The following ASXL3 variants were observed in gnomAD, a reference collection of about 807,000 sequenced individuals.
The protein encoded by ASXL3 is putative Polycomb group protein ASXL3.
A neutral mutation model predicts 170.6 loss-of-function variants in ASXL3; 34 were observed. The ratio of observed to expected loss-of-function variants is 0.20; its 90% confidence interval spans 0.15 to 0.27. The LOEUF (loss-of-function observed/expected upper bound fraction) is 0.27, where lower values mean the gene tolerates loss of function less well. ASXL3 is among the 10% of genes least tolerant of loss of function. The pLI is 1.00. For missense variants in ASXL3, 2,592 were observed against 2,695.3 expected (o/e 0.96, Z 0.85); for synonymous variants, 1,002 against 989.1 (o/e 1.01, Z -0.24).
At chr18:33,660,402 T>C (rs2066153389) in intron 4 of ASXL3, among the ~76,000 whole-genome samples, 1 of 152,184 alleles carries the variant, frequency 6.6e-6, no homozygotes, top group Non-Finnish European at 1.5e-5. Context: ...CAAGGTGTGC[T>C]TGAGTCTATC....
At chr18:33,720,415 C>T (rs994300878) in intron 8 of ASXL3, among the ~76,000 whole-genome samples, 12 of 152,038 alleles carry the variant, frequency 7.9e-5, no homozygotes, top group Non-Finnish European at 1.5e-4. Context: ...AGAACATGAG[C>T]TTGAGTTTCA....
chr18:33,732,305 A>C (rs2067463339), intron 9 of ASXL3, among the ~76,000 whole-genome samples: 1 of 152,206 alleles, frequency 6.6e-6, no homozygotes, highest in African/African-American at 2.4e-5. Context: ...TGATGCAGCA[A>C]CATTTTCTTG....
chr18:33,647,047 G>T (rs1231192743), intron 4 of ASXL3, among the ~76,000 whole-genome samples: 1 of 151,938 alleles, frequency 6.6e-6, no homozygotes, highest in African/African-American at 2.4e-5. Flanking sequence ...CTACCCACTG[G>T]TTCCACAAAG....
chr18:33,589,130 T>C (rs1343906617), intron 1 of ASXL3, among the ~76,000 whole-genome samples: 1 of 152,128 alleles, frequency 6.6e-6, no homozygotes, highest in East Asian at 1.9e-4. Context: ...TGAGTTTGAG[T>C]CCAAAGTCTG....
intron 8 of ASXL3, among the ~76,000 whole-genome samples, chr18:33,725,615 T>C (rs74386965): frequency 0.013 from 1,981 of 152,300 alleles, 39 homozygotes; most frequent in African/African-American, 0.045. Context: ...TTGAAAACAA[T>C]ATTTACCATT....
intron 1 of ASXL3, among the ~76,000 whole-genome samples, chr18:33,597,339 A>G (rs2065137367): frequency 6.6e-6 from 1 of 151,844 alleles, no homozygotes; most frequent in Non-Finnish European, 1.5e-5. Flanking sequence ...CAACATGTTT[A>G]TTTTTACTTA....
chr18:33,724,551 A>C (rs894912017), intron 8 of ASXL3, among the ~76,000 whole-genome samples: 4 of 152,132 alleles, frequency 2.6e-5, no homozygotes, highest in African/African-American at 9.7e-5. Context: ...TTCCCAAACT[A>C]TTCTGGGGAA....
chr18:33,739,761 C>T lies in ASXL3; in HGVS notation c.2357C>T (p.Ser786Phe). Residue 786 changes from serine (S) to phenylalanine (F), a missense_variant, in exon 11 of 12, where the codon TCT (serine) becomes TTT (phenylalanine). Physicochemically the swap from Ser to Phe is radical, Grantham distance 155. This residue lies in a region of ASXL3 where 2,246 missense variants were observed against 2,219.6 expected (regional missense o/e 1.01). Transcript: ENST00000269197. Reference protein sequence around the residue: ...EEPLSPQKDESSATAKPLGEN... With the variant: ...EEPLSPQKDEFSATAKPLGEN... Reference sequence around the variant, plus strand: ...CCACTCTCCCCGCAGAAAGATGAGTCTTCCGCCACTGCCAAACCTCTGGGA... The same window carrying T: ...CCACTCTCCCCGCAGAAAGATGAGTTTTCCGCCACTGCCAAACCTCTGGGA... 1.2e-6 allele frequency: 2 copies of T among 1,613,800 alleles called. No homozygotes were observed. Among genetic ancestry groups the T allele is most frequent in the Non-Finnish European group, 1.7e-6 (2 of 1,179,828 alleles).
chr18:33,670,844 C>T (rs894213417), intron 6 of ASXL3, 54 bp downstream of exon 6: 2 of 1,203,046 alleles, frequency 1.7e-6, no homozygotes, highest in Admixed American at 2.8e-5. Context: ...AGGAGACTTC[C>T]TCACTGAAAG....
chr18:33,696,271 G>T (rs1161164677), intron 8 of ASXL3, among the ~76,000 whole-genome samples: 1 of 152,118 alleles, frequency 6.6e-6, no homozygotes, highest in Admixed American at 6.6e-5. Flanking sequence ...ATTTGTTAAA[G>T]TTCATTGTAA....
intron 1 of ASXL3, among the ~76,000 whole-genome samples, chr18:33,583,393 C>T (rs1039271692): frequency 2.0e-5 from 3 of 152,188 alleles, no homozygotes; most frequent in Non-Finnish European, 2.9e-5. Context: ...ACTAAAATTT[C>T]AGTTGGTTTG....
chr18:33,652,572 G>A (rs992254961), intron 4 of ASXL3, among the ~76,000 whole-genome samples: 1 of 116,416 alleles, frequency 8.6e-6, no homozygotes, highest in Admixed American at 1.0e-4. Context: ...CTCTAGCAAG[G>A]GAATTAGTAT....
chr18:33,671,913 T>C (rs1229414612), intron 7 of ASXL3, 47 bp downstream of exon 7: 19 of 1,449,842 alleles, frequency 1.3e-5, no homozygotes, highest in Non-Finnish European at 1.7e-5. Flanking sequence ...GAAATTTGTG[T>C]TTTCTCAAAT....
chr18:33,710,824 C>T (rs2067047551), intron 8 of ASXL3, among the ~76,000 whole-genome samples: 1 of 152,088 alleles, frequency 6.6e-6, no homozygotes, highest in African/African-American at 2.4e-5. Flanking sequence ...TTTCATTTCA[C>T]TTGATCATAT....
intron 2 of ASXL3, among the ~76,000 whole-genome samples, chr18:33,613,751 G>A (rs1005432471): frequency 2.6e-5 from 4 of 152,038 alleles, no homozygotes; most frequent in Non-Finnish European, 5.9e-5. Context: ...AACAGACCCT[G>A]TTTCTATAAA....
intron 2 of ASXL3, among the ~76,000 whole-genome samples, chr18:33,615,770 A>G (rs2065412719): frequency 1.3e-5 from 2 of 152,092 alleles, no homozygotes; most frequent in African/African-American, 4.8e-5. Flanking sequence ...TTCTAGTTAG[A>G]TGGTATCTGG....
At chr18:33,651,319 G>A (rs958755732) in intron 4 of ASXL3, among the ~76,000 whole-genome samples, 3 of 152,102 alleles carry the variant, frequency 2.0e-5, no homozygotes, top group Non-Finnish European at 4.4e-5. Context: ...CCAAAAGTTA[G>A]AATGGATATA....
chr18:33,661,491 A>T, intron 4 of ASXL3, 125 bp from the exon 5 acceptor site: 1 of 804,164 alleles, frequency 1.2e-6, no homozygotes, highest in Non-Finnish European at 1.9e-6. Context: ...TATTCTTTTT[A>T]CTGTGCTATT....
chr18:33,640,392 C>T (rs1568297496), intron 2 of ASXL3, among the ~76,000 whole-genome samples: 1 of 151,572 alleles, frequency 6.6e-6, no homozygotes, highest in Non-Finnish European at 1.5e-5. Context: ...TTCATTTGGC[C>T]TTGGTTTTTC....
Sources: gnomAD v4.1 joint callset for allele counts (sites outside exome capture counted in the v4.1 genomes callset) on GRCh38, gnomAD v4.1.1 for gene constraint, gnomAD v4.1.1 regional missense constraint, MANE v1.5 for transcripts, NCBI Gene and HGNC (gene_info 2026-07-23, HGNC 2026-07-21) for gene names.